The following LCA5 variants were observed in gnomAD, a reference collection of about 807,000 sequenced individuals.
The protein encoded by LCA5 is lebercilin.
Under a neutral mutation model 53.0 loss-of-function variants are expected in LCA5, and 37 were observed. The observed-to-expected ratio is 0.70, with a 90% confidence interval of 0.54 to 0.92. LCA5 has a LOEUF of 0.92. Ranked by LOEUF, LCA5 falls within the 40% of genes least tolerant of loss-of-function variation. The pLI, the probability that LCA5 is intolerant of heterozygous loss-of-function variation, is 0.00. For synonymous variants in LCA5, 303 were observed against 282.9 expected (o/e 1.07, Z -0.71); for missense variants, 806 against 790.5 (o/e 1.02, Z -0.23).
chr6:79,520,532 A>T (rs1429456754), intron 1 of LCA5, among the ~76,000 whole-genome samples: 1 of 152,208 alleles, frequency 6.6e-6, no homozygotes, highest in East Asian at 1.9e-4. Flanking sequence ...ACAAAATTGG[A>T]TTACTTTTAT....
rs144146683 is a variant in LCA5 at position 79,506,619 on chromosome 6, A to G, written c.720+6593T>C. ...TCTTGCAGTCACTAAAAGAAACTGC[A>G]TATTAGCCGAATTACTAATGAAGTT... On this transcript the variant is annotated intron_variant, in intron 3 of 7. Coordinates refer to ENST00000369846, the MANE Select transcript of LCA5 (RefSeq NM_001122769.3). 3.1e-3 allele frequency among the ~76,000 whole-genome samples: 469 copies of G among 152,320 alleles called. 17 individuals carry two copies. The highest frequency in any genetic ancestry group is 0.026 in the Admixed American group (391 of 15,294).
intron 3 of LCA5, among the ~76,000 whole-genome samples, chr6:79,503,437 T>C (rs896760104): frequency 3.3e-5 from 5 of 152,248 alleles, no homozygotes; most frequent in Non-Finnish European, 7.4e-5. Context: ...ACCAAATCAG[T>C]AGTTTCAAAC....
intron 3 of LCA5, among the ~76,000 whole-genome samples, chr6:79,511,778 A>T (rs192576310): frequency 3.9e-5 from 6 of 152,300 alleles, no homozygotes; most frequent in Non-Finnish European, 7.4e-5. Flanking sequence ...ATGAGGATAC[A>T]ATATGGTTAA....
At chr6:79,519,365 A>C (rs1273160903) in intron 1 of LCA5, among the ~76,000 whole-genome samples, 1 of 152,194 alleles carries the variant, frequency 6.6e-6, no homozygotes, top group African/African-American at 2.4e-5. Flanking sequence ...CTAGAGGCAA[A>C]TGCTGAATTT....
chr6:79,491,529 T>C, intron 6 of LCA5, 59 bp downstream of exon 6: 1 of 1,563,978 alleles, frequency 6.4e-7, no homozygotes, highest in Admixed American at 1.7e-5. Context: ...TGTCTGATAT[T>C]GTGTTTTTAG....
chr6:79,507,963 G>T (rs1676776234), intron 3 of LCA5, among the ~76,000 whole-genome samples: 1 of 152,132 alleles, frequency 6.6e-6, no homozygotes, highest in African/African-American at 2.4e-5. Context: ...CTTGAACCTG[G>T]TGCCATTCCT....
chr6:79,530,111 T>C (rs772962212), intron 1 of LCA5, among the ~76,000 whole-genome samples: 3 of 151,788 alleles, frequency 2.0e-5, no homozygotes, highest in African/African-American at 2.4e-5. Flanking sequence ...ATAATAAAAA[T>C]ATATATATAT....
intron 3 of LCA5, among the ~76,000 whole-genome samples, chr6:79,511,146 C>T (rs577280336): frequency 6.6e-6 from 1 of 152,038 alleles, no homozygotes; most frequent in East Asian, 1.9e-4. Context: ...AGGCATATAT[C>T]CCAGAGAAAT....
At chr6:79,535,477 T>A (rs897770732) in intron 1 of LCA5, among the ~76,000 whole-genome samples, 7 of 152,168 alleles carry the variant, frequency 4.6e-5, no homozygotes, top group Admixed American at 3.3e-4. Flanking sequence ...TCAAGTAAGA[T>A]AAACTACACT....
rs996300572 is a variant in LCA5 at position 79,530,007 on chromosome 6, A to G, written c.-192+7158T>C. Among the ~76,000 whole-genome samples, 3 of 151,440 alleles carry G rather than the reference A, an allele frequency of 2.0e-5. No individual in the cohort carries two copies. The East Asian group carries it at 5.9e-4, about 30-fold the overall frequency. On this transcript the variant is annotated intron_variant, in intron 1 of 7. Coordinates refer to ENST00000369846, the MANE Select transcript of LCA5 (RefSeq NM_001122769.3). The stretch of plus-strand genomic sequence containing the variant: ...GCATTAGGAGATATACCTAATGTAA[A>G]TGACGAGTTAATGGGTGCAGCACAC...
intron 6 of LCA5, among the ~76,000 whole-genome samples, chr6:79,490,408 T>G (rs1769804791): frequency 6.6e-6 from 1 of 152,128 alleles, no homozygotes; most frequent in Non-Finnish European, 1.5e-5. Flanking sequence ...GTCACACAAC[T>G]AAAATGTTAG....
chr6:79,487,596 G>A lies in LCA5; in HGVS notation c.1502C>T (p.Ser501Phe), dbSNP rs1382229693. The A allele has an allele frequency of 6.2e-7, 1 of 1,614,020 alleles. No homozygotes were observed. Among genetic ancestry groups the A allele is most frequent in the Admixed American group, 1.7e-5 (1 of 60,014 alleles). Residue 501 changes from serine (S) to phenylalanine (F), a missense_variant, in exon 8 of 8, where the codon TCC becomes TTC. By Grantham distance (155) the Ser-to-Phe change is radical. Transcript: ENST00000369846. ...LLPDFESKLH[S>F]PERSPKTYRF... ...GTATGTTTTGGGGCTTCTCTCTGGG[G>A]AGTGTAGTTTTGATTCAAAATCAGG...
At chr6:79,510,172 G>A (rs538836522) in intron 3 of LCA5, among the ~76,000 whole-genome samples, 35 of 152,228 alleles carry the variant, frequency 2.3e-4, no homozygotes, top group African/African-American at 8.2e-4. Context: ...CAGATCAACA[G>A]AACAGAATAG....
In LCA5 at chr6:79,487,204, C is replaced by T. The variant is rs867514179; in HGVS notation, c.1894G>A (p.Gly632Arg). ...AGAAAATTTAGAGGGTCAATGTCTC[C>T]TTTACTGGAAGCCACAGAATTTGGG... ...SDPNSVASSKGDIDPLNFLPG... is the reference protein window; with the variant it reads ...SDPNSVASSKRDIDPLNFLPG... Residue 632 changes from glycine to arginine, a missense_variant, in exon 8 of 8, where the codon GGA becomes AGA. Coordinates refer to ENST00000369846, the MANE Select transcript of LCA5 (RefSeq NM_001122769.3). The T allele has an allele frequency of 3.7e-6, 6 of 1,613,998 alleles. No homozygotes were observed. The highest frequency in any genetic ancestry group is 5.1e-6 in the Non-Finnish European group (6 of 1,179,926).
chr6:79,537,054 C>T (rs1321032026), intron 1 of LCA5, 111 bp downstream of exon 1: 1 of 152,916 alleles, frequency 6.5e-6, no homozygotes, highest in African/African-American at 2.4e-5. Flanking sequence ...TAAGAACCAC[C>T]CGCAGGCCCC....
At chr6:79,492,764 C>T (rs1207053822) in intron 4 of LCA5, 117 bp from the exon 5 acceptor site, 1 of 634,194 alleles carries the variant, frequency 1.6e-6, no homozygotes, top group African/African-American at 1.8e-5. Flanking sequence ...GGTTCAGCTT[C>T]CTTTTGTAAC....
intron 5 of LCA5, among the ~76,000 whole-genome samples, chr6:79,492,103 A>T (rs1769860859): frequency 6.6e-6 from 1 of 152,044 alleles, no homozygotes; most frequent in South Asian, 2.1e-4. Flanking sequence ...GTAAAACTAC[A>T]AATAACAATA....
chr6:79,498,534 A>AAC (rs1171949355), intron 3 of LCA5, among the ~76,000 whole-genome samples: 1 of 152,174 alleles, frequency 6.6e-6, no homozygotes, highest in Non-Finnish European at 1.5e-5. Context: ...ATTATCATTG[A>AAC]AGAGTGAAGA....
chr6:79,501,450 C>G (rs1038692068), intron 3 of LCA5, among the ~76,000 whole-genome samples: 1 of 151,962 alleles, frequency 6.6e-6, no homozygotes, highest in Non-Finnish European at 1.5e-5. Context: ...AGATAGCACT[C>G]GAAAGCACCC....
Sources: gnomAD v4.1 joint callset for allele counts (sites outside exome capture counted in the v4.1 genomes callset) on GRCh38, gnomAD v4.1.1 for gene constraint, MANE v1.5 for transcripts, NCBI Gene and HGNC (gene_info 2026-07-23, HGNC 2026-07-21) for gene names.